KHNYN: variants seen among roughly 807,000 people sequenced by gnomAD.
The protein encoded by KHNYN is protein KHNYN.
Under a neutral mutation model 62.7 loss-of-function variants are expected in KHNYN, and 42 were observed. That is an observed-to-expected ratio of 0.67 (90% CI 0.52 to 0.87). The LOEUF (loss-of-function observed/expected upper bound fraction) is 0.87. Among genes scored for constraint, KHNYN ranks in the 40% least tolerant of loss-of-function variants. The pLI is 0.00. For synonymous variants in KHNYN, 347 were observed against 345.6 expected, an observed-to-expected ratio of 1.00 and a Z score of -0.04; for missense variants, 829 against 874.1, an observed-to-expected ratio of 0.95 and a Z score of 0.65.
chr14:24,423,290 A>G, the KHNYN span, among the ~76,000 whole-genome samples: 1 of 152,196 alleles, frequency 6.6e-6, no homozygotes, highest in African/African-American at 2.4e-5. Context: ...CTTAGATTTA[A>G]GAGACTTGAG....
In KHNYN at chr14:24,439,664, T is replaced by C. The variant is rs1951123; in HGVS notation, c.*2379T>C. On this transcript the variant is annotated 3_prime_UTR_variant, in exon 8 of 8. Coordinates refer to ENST00000553935, the MANE Select transcript of KHNYN (RefSeq NM_015299.3). ...GGGAAACGGTGATGAGAGAGACTGC[T>C]CATTGTAACTTTCAAAACCCCGTCT... 0.79 allele frequency: 124,311 copies of C among 156,808 alleles called. 51,534 individuals carry two copies. Among genetic ancestry groups the C allele is most frequent in the Non-Finnish European group, 0.9 (64,574 of 71,518 alleles). The allele number at this position is 156,808 out of a possible 1,614,324, so 9.7% of individuals were successfully genotyped here. A position where few individuals can be genotyped will look rare whatever the true frequency, so the allele number is the denominator to read the frequency against.
rs1477775658 is a variant in KHNYN at position 24,437,800 on chromosome 14, G to A, written c.*515G>A. 1.3e-5 allele frequency: 2 copies of A among 152,266 alleles called. No homozygotes were observed. Among genetic ancestry groups the A allele is most frequent in the Non-Finnish European group, 2.9e-5 (2 of 68,240 alleles). The allele number at this position is 152,266 out of a possible 1,614,324, so 9.4% of individuals were successfully genotyped here. A position where few individuals can be genotyped will look rare whatever the true frequency, so the allele number is the denominator to read the frequency against. On this transcript the variant is annotated 3_prime_UTR_variant, in exon 8 of 8. Transcript: ENST00000553935. The surrounding 1 kb of genome is among the most constrained non-coding windows in gnomAD (Gnocchi z 5.5). ...GGAGTGAGCTAGTGAAGAAGGCAGA[G>A]GGAGACTTGGCTTCTGGTCTCAGCT...
In KHNYN at chr14:24,431,911, T is replaced by G; in HGVS notation, c.650T>G (p.Leu217Arg). 6.2e-7 allele frequency: 1 copy of G among 1,614,034 alleles called. No homozygotes were observed. Among genetic ancestry groups the G allele is most frequent in the Non-Finnish European group, 8.5e-7 (1 of 1,179,996 alleles). ...TGGGAGGGGCGGAGCTCAGCCTTGC[T>G]GGGTGCTCAGTGCCAAGGAGTGAGA... is the stretch of plus-strand genomic sequence containing the variant. Reference protein sequence around the residue: ...ASWEGRSSALLGAQCQGVRAP... With the variant: ...ASWEGRSSALRGAQCQGVRAP... Residue 217 changes from leucine (L) to arginine (R), a missense_variant, in exon 3 of 8, where the codon CTG becomes CGG. Coordinates refer to ENST00000553935, the MANE Select transcript of KHNYN (RefSeq NM_015299.3).
In KHNYN at chr14:24,439,993, G is replaced by A. The variant is rs961767628; in HGVS notation, c.*2708G>A. The A allele has an allele frequency of 9.4e-7, 1 of 1,065,980 alleles. No homozygotes were observed. Among genetic ancestry groups the A allele is most frequent in the Admixed American group, 2.8e-5 (1 of 35,520 alleles). 66.0% of individuals were successfully genotyped at this position (1,065,980 alleles called of 1,614,324 possible). On this transcript the variant is annotated 3_prime_UTR_variant, in exon 8 of 8. Coordinates refer to ENST00000553935, the MANE Select transcript of KHNYN (RefSeq NM_015299.3). ...GGGAGAGGAATCTAAGAACCAGATGGCTTCAGCTCTCTAGAGGAGCTGAGC... is the reference window on the plus strand; with the variant it reads ...GGGAGAGGAATCTAAGAACCAGATGACTTCAGCTCTCTAGAGGAGCTGAGC...
At position 24,440,625 on chromosome 14, in the gene KHNYN, G is replaced by C; in HGVS notation, c.*3340G>C. On this transcript the variant is annotated 3_prime_UTR_variant, in exon 8 of 8. Coordinates refer to ENST00000553935, the MANE Select transcript of KHNYN (RefSeq NM_015299.3). ...CTCTGTAACAGAAGTGAGCAGTATGGCTGTCTTTAAGACCTCACACCTTCT... is the reference window on the plus strand; with the variant it reads ...CTCTGTAACAGAAGTGAGCAGTATGCCTGTCTTTAAGACCTCACACCTTCT... 7.4e-7 allele frequency: 1 copy of C among 1,358,396 alleles called. No homozygotes were observed. Among genetic ancestry groups the C allele is most frequent in the Non-Finnish European group, 1.0e-6 (1 of 981,908 alleles). The allele number at this position is 1,358,396 out of a possible 1,614,324, so 84.1% of individuals were successfully genotyped here.
chr14:24,441,162 G>C lies in KHNYN; in HGVS notation c.*3877G>C. 1.7e-6 allele frequency: 1 copy of C among 605,292 alleles called. No individual in the cohort carries two copies. Among genetic ancestry groups the C allele is most frequent in the Non-Finnish European group, 3.0e-6 (1 of 338,806 alleles). The allele number at this position is 605,292 out of a possible 1,614,324, so 37.5% of individuals were successfully genotyped here. A position where few individuals can be genotyped will look rare whatever the true frequency, so the allele number is the denominator to read the frequency against. On this transcript the variant is annotated 3_prime_UTR_variant, in exon 8 of 8. Transcript: ENST00000553935. Reference sequence around the variant, plus strand: ...TGCTAGAGTGTAGTGGTTAAGAACAGGAACTTGGGTACCAGGCGCCTGAAT... The same window carrying C: ...TGCTAGAGTGTAGTGGTTAAGAACACGAACTTGGGTACCAGGCGCCTGAAT...
chr14:24,437,267 G>C lies in KHNYN; in HGVS notation c.2019G>C (p.Leu673=). 6.2e-7 allele frequency: 1 copy of C among 1,613,714 alleles called. No individual in the cohort carries two copies. The change falls in exon 8 of 8, where the codon CTG becomes CTC. Residue 673 remains leucine (L), a synonymous_variant. Transcript: ENST00000553935. This position sits in a 1 kb window ranked among gnomAD's most constrained non-coding sequence, Gnocchi z 5.5. ...ACATCAACCAACTGTCTGAGGCCCTGCTCAGTCTTAACTTTTGAGCCTCAC... is the reference window on the plus strand; with the variant it reads ...ACATCAACCAACTGTCTGAGGCCCTCCTCAGTCTTAACTTTTGAGCCTCAC... ...CRDINQLSEA[L]LSLNF
In KHNYN at chr14:24,429,973, C is replaced by T. The variant is rs1314748360; in HGVS notation, c.-164C>T. On this transcript the variant is annotated 5_prime_UTR_variant, in exon 1 of 8. Transcript: ENST00000553935. ...AGAAACAGTTTGCGTGCGATGTGGA[C>T]AAGAGAGGTCCCCGCTGGGTGAGGA... 1 of 989,046 alleles carries T rather than the reference C, an allele frequency of 1.0e-6. No homozygotes were observed. The highest frequency in any genetic ancestry group is 1.1e-4 in the East Asian group (1 of 8,826). 61.3% of individuals were successfully genotyped at this position (989,046 alleles called of 1,614,324 possible). A position where few individuals can be genotyped will look rare whatever the true frequency, so the allele number is the denominator to read the frequency against.
At chr14:24,429,423 G>A (rs1309010505), upstream of KHNYN, 4 of 536,804 alleles carry the variant, frequency 7.5e-6, no homozygotes, top group Admixed American at 4.5e-5. Flanking sequence ...TGTGTGTGAC[G>A]GGTGTGACAG....
At chr14:24,425,626 A>G (rs1325764528), upstream of KHNYN, among the ~76,000 whole-genome samples, 1 of 152,158 alleles carries the variant, frequency 6.6e-6, no homozygotes, top group Non-Finnish European at 1.5e-5. Context: ...ATGATTTCCT[A>G]TTTTGTTTAA....
At chr14:24,425,961 GA>G (rs1204365206), upstream of KHNYN, among the ~76,000 whole-genome samples, 1 of 152,160 alleles carries the variant, frequency 6.6e-6, no homozygotes, top group African/African-American at 2.4e-5. Flanking sequence ...CATAGATAAA[GA>G]AAAACAAATG....
At chr14:24,429,855 G>A, upstream of KHNYN, 5 of 1,015,032 alleles carry the variant, frequency 4.9e-6, no homozygotes, top group South Asian at 7.0e-5. Flanking sequence ...GAGCGGGCCC[G>A]TCGGGGCCTC....
At position 24,440,527 on chromosome 14, in the gene KHNYN, C is replaced by A; in HGVS notation, c.*3242C>A. ...GAAAGAGGGAAGGTACAGGGGTCCTCTCAGCCTTGAAGGAGCCCACTGCTC... is the reference window on the plus strand; with the variant it reads ...GAAAGAGGGAAGGTACAGGGGTCCTATCAGCCTTGAAGGAGCCCACTGCTC... On this transcript the variant is annotated 3_prime_UTR_variant, in exon 8 of 8. Coordinates refer to ENST00000553935, the MANE Select transcript of KHNYN (RefSeq NM_015299.3). The A allele has an allele frequency of 6.4e-7, 1 of 1,569,512 alleles. No homozygotes were observed. Among genetic ancestry groups the A allele is most frequent in the African/African-American group, 1.4e-5 (1 of 73,920 alleles).
At position 24,437,458 on chromosome 14, in the gene KHNYN, T is replaced by A; in HGVS notation, c.*173T>A. On this transcript the variant is annotated 3_prime_UTR_variant, in exon 8 of 8. Coordinates refer to ENST00000553935, the MANE Select transcript of KHNYN (RefSeq NM_015299.3). The surrounding 1 kb of genome is among the most constrained non-coding windows in gnomAD (Gnocchi z 5.5). ...CATAAAGTGAACTGATCTTACCGAG[T>A]CAGGACCTCAGCCAGCTCTCAAGAG... 1 of 692,284 alleles carries A rather than the reference T, an allele frequency of 1.4e-6. No individual in the cohort carries two copies. Among genetic ancestry groups the A allele is most frequent in the Non-Finnish European group, 2.3e-6 (1 of 427,624 alleles). 42.9% of individuals were successfully genotyped at this position (692,284 alleles called of 1,614,324 possible). A position where few individuals can be genotyped will look rare whatever the true frequency, so the allele number is the denominator to read the frequency against.
chr14:24,434,296 G>A (rs1337786750), intron 5 of KHNYN: 13 of 985,172 alleles, frequency 1.3e-5, no homozygotes, highest in Non-Finnish European at 1.4e-5. Context: ...GGTACACAGC[G>A]TAGGCATACG....
At chr14:24,427,821 T>C (rs1479076758), upstream of KHNYN, 4 of 1,614,036 alleles carry the variant, frequency 2.5e-6, no homozygotes, top group Non-Finnish European at 3.4e-6. The surrounding 1 kb of genome is among the most constrained non-coding windows in gnomAD (Gnocchi z 4.4). Context: ...CCAGAGAAAC[T>C]TGAGTATTTC....
In KHNYN at chr14:24,440,461, C is replaced by G; in HGVS notation, c.*3176C>G. Reference sequence around the variant, plus strand: ...GGCGAAAGGGCAGCAGCATGTGGCCCATGGCACCACCCCCACGGCCCAGCA... The same window carrying G: ...GGCGAAAGGGCAGCAGCATGTGGCCGATGGCACCACCCCCACGGCCCAGCA... On this transcript the variant is annotated 3_prime_UTR_variant, in exon 8 of 8. Transcript: ENST00000553935. The G allele has an allele frequency of 6.2e-7, 1 of 1,609,666 alleles. No individual in the cohort carries two copies. Among genetic ancestry groups the G allele is most frequent in the South Asian group, 1.1e-5 (1 of 90,378 alleles).
upstream of KHNYN, chr14:24,428,883 C>A (rs1325570625): frequency 5.6e-6 from 9 of 1,600,100 alleles, no homozygotes; most frequent in Non-Finnish European, 7.7e-6. Context: ...CCCCCGGGCC[C>A]CCCTGCAGCA....
chr14:24,427,517 C>G (rs1244454664), upstream of KHNYN: 1 of 443,278 alleles, frequency 2.3e-6, no homozygotes, highest in Non-Finnish European at 4.0e-6. This position sits in a 1 kb window ranked among gnomAD's most constrained non-coding sequence, Gnocchi z 4.4. Flanking sequence ...TCCTTCTTGC[C>G]AAACCTTGCC....
Sources: allele counts gnomAD v4.1 joint callset (sites outside exome capture counted in the v4.1 genomes callset), GRCh38; gene constraint gnomAD v4.1.1; non-coding constraint Gnocchi (gnomAD v3.1); transcripts MANE v1.5; gene names NCBI Gene and HGNC (gene_info 2026-07-23, HGNC 2026-07-21).